GPC3: variants seen among roughly 807,000 people sequenced by gnomAD.
GPC3 encodes glypican-3.
GPC3 carries 3 observed loss-of-function variants against 34.4 expected under a neutral mutation model. That is an observed-to-expected ratio of 0.09 (90% CI 0.04 to 0.23). The LOEUF is 0.23. GPC3 is among the 10% of genes least tolerant of loss of function. The pLI is 1.00. For missense variants in GPC3, 351 were observed against 445.6 expected, an observed-to-expected ratio of 0.79 and a Z score of 1.91; for synonymous variants, 177 against 174.0, an observed-to-expected ratio of 1.02 and a Z score of -0.13.
chrX:133,593,354 T>TAAAAAAAAAAAAAAAAAG (rs2069874595), intron 7 of GPC3, among the ~76,000 whole-genome samples: 7 of 47,706 alleles, frequency 1.5e-4, no homozygotes, highest in South Asian at 9.8e-4. Flanking sequence ...AAAAAAAAAG[T>TAAAAAAAAAAAAAAAAAG]AAAAAAAAAA....
intron 2 of GPC3, among the ~76,000 whole-genome samples, chrX:133,786,238 GA>G (rs1371750930): frequency 9.0e-6 from 1 of 110,838 alleles, no homozygotes; most frequent in Non-Finnish European, 1.9e-5. Flanking sequence ...CTAAAAATAC[GA>G]AAAAAATTAG....
intron 2 of GPC3, among the ~76,000 whole-genome samples, chrX:133,924,386 A>G (rs982082829): frequency 1.8e-5 from 2 of 111,498 alleles, no homozygotes; most frequent in African/African-American, 6.5e-5. Flanking sequence ...TGATTCACTC[A>G]TAACTAGAAG....
At chrX:133,808,947 T>C (rs1355510846) in intron 2 of GPC3, among the ~76,000 whole-genome samples, 1 of 112,269 alleles carries the variant, frequency 8.9e-6, no homozygotes, top group Non-Finnish European at 1.9e-5. Context: ...CATAGGCATG[T>C]TCCAAATGCA....
At chrX:133,829,464 T>C (rs73567053) in intron 2 of GPC3, among the ~76,000 whole-genome samples, 9,237 of 111,510 alleles carry the variant, frequency 0.083, 646 homozygotes, top group African/African-American at 0.22. Context: ...ATAAACCAAA[T>C]AGTCCTAGCA....
Position 133,582,311 on chromosome X carries a change from C to T in GPC3, c.1573+14129G>A, listed in dbSNP as rs986064253. Among the ~76,000 whole-genome samples the T allele has an allele frequency of 4.5e-5, 5 of 111,934 alleles. No individual in the cohort carries two copies. In the Admixed American group the frequency reaches 4.7e-4, roughly 11 times the overall value. Reference sequence around the variant, plus strand: ...GTTTAACAACTGACTCACAGGAATTCTGAAAATTTAACAATTGGCTCTCGT... The same window carrying T: ...GTTTAACAACTGACTCACAGGAATTTTGAAAATTTAACAATTGGCTCTCGT... On this transcript the variant is annotated intron_variant, in intron 7 of 7. Transcript: ENST00000370818.
Position 133,985,341 on chromosome X carries a change from G to C in GPC3, c.109C>G (p.Gln37Glu). 8.3e-7 allele frequency: 1 copy of C among 1,208,630 alleles called. No homozygotes were observed. Among genetic ancestry groups the C allele is most frequent in the Non-Finnish European group, 1.1e-6 (1 of 894,073 alleles). Residue 37 changes from glutamine to glutamate, a missense_variant, in exon 1 of 8, where the codon CAA (glutamine) becomes GAA (glutamate). By Grantham distance (29) the Gln-to-Glu change is conservative. Coordinates refer to ENST00000370818, the MANE Select transcript of GPC3 (RefSeq NM_004484.4). ...AGTCTCTGGAAGAAGGAGCGGACTT[G>C]GTGACAGGTGGCGTCCGGCGGCGGC... ...PPPPPDATCH[Q>E]VRSFFQRLQP...
intron 6 of GPC3, among the ~76,000 whole-genome samples, chrX:133,627,835 C>T (rs1220569249): frequency 1.8e-5 from 2 of 112,207 alleles, no homozygotes; most frequent in Admixed American, 1.9e-4. Context: ...AATCTGCCTC[C>T]CTAGGCTCTG....
chrX:133,642,196 G>T (rs2070487983), intron 6 of GPC3, among the ~76,000 whole-genome samples: 1 of 111,762 alleles, frequency 8.9e-6, no homozygotes, highest in African/African-American at 3.3e-5. Flanking sequence ...CTGAACTTGT[G>T]AATGTCTGCA....
At chrX:133,572,666 A>C (rs1335276925) in intron 7 of GPC3, among the ~76,000 whole-genome samples, 2 of 112,061 alleles carry the variant, frequency 1.8e-5, no homozygotes, top group African/African-American at 6.5e-5. Flanking sequence ...ATAAAGAAGG[A>C]TTATAAGGGA....
At chrX:133,871,002 G>C (rs1253489547) in intron 2 of GPC3, among the ~76,000 whole-genome samples, 1 of 111,216 alleles carries the variant, frequency 9.0e-6, no homozygotes, top group African/African-American at 3.3e-5. Context: ...ATCTTCTTTG[G>C]TAAATTTTCC....
At chrX:133,596,331 T>G (rs2069914001) in intron 7 of GPC3, 109 bp downstream of exon 7, 2 of 689,299 alleles carry the variant, frequency 2.9e-6, no homozygotes, top group South Asian at 4.4e-5. Flanking sequence ...TTGATGAGAT[T>G]GTGTGTTGCA....
intron 3 of GPC3, among the ~76,000 whole-genome samples, chrX:133,749,454 TTGTC>T (rs1469264901): frequency 9.0e-6 from 1 of 111,223 alleles, no homozygotes; most frequent in Non-Finnish European, 1.9e-5. Flanking sequence ...ACCCCAGTAT[TTGTC>T]TGCCTGCCTT....
intron 6 of GPC3, among the ~76,000 whole-genome samples, chrX:133,627,176 AG>A (rs1327407478): frequency 2.1e-5 from 1 of 48,632 alleles, no homozygotes; most frequent in Non-Finnish European, 3.5e-5. Context: ...GGGTGGGGGG[AG>A]GGGGGAGGGA....
At chrX:133,588,884 AC>A (rs2069818769) in intron 7 of GPC3, among the ~76,000 whole-genome samples, 1 of 111,893 alleles carries the variant, frequency 8.9e-6, no homozygotes, top group Admixed American at 9.5e-5. Context: ...ATCCAATGAT[AC>A]TAAATAATAC....
intron 3 of GPC3, among the ~76,000 whole-genome samples, chrX:133,743,621 G>T (rs368082865): frequency 5.4e-5 from 6 of 112,013 alleles, no homozygotes; most frequent in African/African-American, 1.9e-4. Flanking sequence ...ATATGACTCT[G>T]TTTTGTGTGG....
chrX:133,933,856 C>CTT (rs1313910774), intron 2 of GPC3, among the ~76,000 whole-genome samples: 3 of 96,428 alleles, frequency 3.1e-5, no homozygotes, highest in Non-Finnish European at 4.2e-5. Context: ...AACCTCTTTT[C>CTT]TTTTTTTTTT....
At chrX:133,935,736 G>A (rs1422104079) in intron 2 of GPC3, among the ~76,000 whole-genome samples, 1 of 111,031 alleles carries the variant, frequency 9.0e-6, no homozygotes, top group Non-Finnish European at 1.9e-5. Flanking sequence ...ATATATGAGA[G>A]TATCATGTAA....
intron 2 of GPC3, among the ~76,000 whole-genome samples, chrX:133,872,381 TA>T (rs1235510583): frequency 1.8e-5 from 2 of 111,963 alleles, no homozygotes; most frequent in African/African-American, 6.5e-5. Context: ...TTGATGTCAC[TA>T]AAACATTTAA....
intron 6 of GPC3, among the ~76,000 whole-genome samples, chrX:133,646,789 T>C (rs1242417330): frequency 8.9e-6 from 1 of 111,959 alleles, no homozygotes; most frequent in African/African-American, 3.3e-5. Context: ...CTGGGGGCTC[T>C]GTCTAAAATA....
Sources: gnomAD v4.1 joint callset for allele counts (sites outside exome capture counted in the v4.1 genomes callset) on GRCh38, gnomAD v4.1.1 for gene constraint, MANE v1.5 for transcripts, NCBI Gene and HGNC (gene_info 2026-07-23, HGNC 2026-07-21) for gene names.